DGKI: variants seen among roughly 807,000 people sequenced by gnomAD.
DGKI encodes diacylglycerol kinase iota.
A neutral mutation model predicts 147.5 loss-of-function variants in DGKI; 55 were observed. The ratio of observed to expected loss-of-function variants is 0.37; its 90% CI spans 0.30 to 0.47. DGKI has a LOEUF of 0.47. Among genes scored for constraint, DGKI ranks in the 20% least tolerant of loss-of-function variants. The pLI is 1.00. For synonymous variants in DGKI, 469 were observed against 477.1 expected (o/e 0.98, Z 0.22); for missense variants, 1,007 against 1,323.8 (o/e 0.76, Z 3.71).
At chr7:137,639,401 C>T (rs1353387844) in intron 6 of DGKI, among the ~76,000 whole-genome samples, 1 of 152,170 alleles carries the variant, frequency 6.6e-6, no homozygotes, top group Non-Finnish European at 1.5e-5. Context: ...AACAAAGAGG[C>T]CATTTGCTTG....
intron 21 of DGKI, among the ~76,000 whole-genome samples, chr7:137,501,189 C>T (rs949688872): frequency 1.1e-4 from 16 of 152,036 alleles, no homozygotes; most frequent in African/African-American, 3.4e-4. Context: ...TTGCTGCAAA[C>T]GACAGAATTT....
chr7:137,645,675 A>C, intron 5 of DGKI, 138 bp from the exon 6 acceptor site: 1 of 678,048 alleles, frequency 1.5e-6, no homozygotes. Context: ...CAAGCAATTC[A>C]CCCATCTCAG....
intron 1 of DGKI, among the ~76,000 whole-genome samples, chr7:137,767,313 G>T (rs1796041179): frequency 6.6e-6 from 1 of 151,090 alleles, no homozygotes; most frequent in African/African-American, 2.4e-5. Context: ...AAGTGTCACA[G>T]GGGAAAAAAA....
intron 8 of DGKI, 133 bp downstream of exon 8, chr7:137,619,691 G>C: frequency 1.5e-6 from 1 of 685,404 alleles, no homozygotes; most frequent in South Asian, 1.8e-5. Context: ...AACTGAGGAA[G>C]CTAAGCACAG....
chr7:137,734,967 A>G (rs557556970), intron 1 of DGKI, among the ~76,000 whole-genome samples: 21 of 152,188 alleles, frequency 1.4e-4, no homozygotes, highest in African/African-American at 4.6e-4. Context: ...GCCCTTCTAT[A>G]TAATTGAAAA....
rs1359148503 is a variant in DGKI at position 137,521,957 on chromosome 7, A to G, written c.2157T>C (p.Ser719=). The change falls in exon 21 of 33, where the codon TCT becomes TCC. Residue 719 remains serine, a synonymous_variant. Transcript: ENST00000614521. ...CCCGGATCCTCAGACGATCTGGGACAGACTGGGGACTGCAAAACAAGAACC... is the reference window on the plus strand; with the variant it reads ...CCCGGATCCTCAGACGATCTGGGACGGACTGGGGACTGCAAAACAAGAACC... ...TSMPLLNDPQ[S]VPDRLRIRVN... 3 of 1,610,666 alleles carry G rather than the reference A, an allele frequency of 1.9e-6. No homozygotes were observed. The highest frequency in any genetic ancestry group is 1.1e-5 in the South Asian group (1 of 90,684).
chr7:137,846,551 G>C lies in DGKI; in HGVS notation c.312C>G (p.Asp104Glu), dbSNP rs1385154556. The C allele has an allele frequency of 9.3e-6, 14 of 1,505,862 alleles. No individual in the cohort carries two copies. The Admixed American group carries it at 9.6e-5, about 10-fold the overall frequency. 93.3% of individuals were successfully genotyped at this position (1,505,862 alleles called of 1,614,324 possible). Residue 104 changes from aspartate to glutamate, a missense_variant, in exon 1 of 33, where the codon GAC becomes GAG. This residue lies in a region of DGKI where 259 missense variants were observed against 362.5 expected (regional missense o/e 0.71). Transcript: ENST00000614521. This position sits in a 1 kb window ranked among gnomAD's most constrained non-coding sequence, Gnocchi z 4.0. The stretch of plus-strand genomic sequence containing the variant: ...CCTTCTGGCCGGCGGCCGCGGGCTC[G>C]TCCAGGGCAGCGGCCCCCGCCGCCG... ...SAAAAGAAAL[D>E]EPAAAGQKEK... is the part of the protein sequence containing the mutation.
At chr7:137,578,996 A>G (rs186239977) in intron 15 of DGKI, among the ~76,000 whole-genome samples, 2 of 152,340 alleles carry the variant, frequency 1.3e-5, no homozygotes, top group East Asian at 3.9e-4. Flanking sequence ...CATCTGTGCT[A>G]AAAATTCTTT....
chr7:137,509,730 G>A (rs568702966), intron 21 of DGKI, among the ~76,000 whole-genome samples: 1 of 152,300 alleles, frequency 6.6e-6, no homozygotes, highest in South Asian at 2.1e-4. Context: ...GTTAGAATGT[G>A]TTATAGACAG....
intron 5 of DGKI, among the ~76,000 whole-genome samples, chr7:137,649,633 T>A (rs896131962): frequency 6.6e-6 from 1 of 151,992 alleles, no homozygotes; most frequent in Non-Finnish European, 1.5e-5. Flanking sequence ...GATAAAAGAC[T>A]ACAAATTGGG....
At chr7:137,618,370 G>C (rs1820624093) in intron 8 of DGKI, among the ~76,000 whole-genome samples, 1 of 150,690 alleles carries the variant, frequency 6.6e-6, no homozygotes, top group Non-Finnish European at 1.5e-5. Context: ...ACTCATGCCT[G>C]TGTGCCATTC....
At position 137,587,074 on chromosome 7, in the gene DGKI, C is replaced by T. The variant is rs1388092239; in HGVS notation, c.1425+23G>A. On this transcript the variant is annotated intron_variant, in intron 13 of 32. Coordinates refer to ENST00000614521, the MANE Select transcript of DGKI (RefSeq NM_001321708.2). Reference sequence around the variant, plus strand: ...CCGGTTTGTTGTTTGATGATATGGGCAGTCCCCGAGAGCAGTTCTTACCCC... The same window carrying T: ...CCGGTTTGTTGTTTGATGATATGGGTAGTCCCCGAGAGCAGTTCTTACCCC... 15 of 1,523,060 alleles carry T rather than the reference C, an allele frequency of 9.8e-6. No individual in the cohort carries two copies. The Admixed American group carries it at 2.7e-4, about 28-fold the overall frequency. 94.3% of individuals were successfully genotyped at this position (1,523,060 alleles called of 1,614,324 possible).
At chr7:137,731,514 C>T (rs748339384) in intron 1 of DGKI, among the ~76,000 whole-genome samples, 3 of 152,204 alleles carry the variant, frequency 2.0e-5, no homozygotes, top group Admixed American at 6.5e-5. Flanking sequence ...TCTTCTTCAT[C>T]ATCATTATGT....
chr7:137,760,934 A>G (rs377545792), intron 1 of DGKI, among the ~76,000 whole-genome samples: 47 of 152,194 alleles, frequency 3.1e-4, no homozygotes, highest in African/African-American at 1.0e-3. Flanking sequence ...CTGTTCTCCC[A>G]TGCCTCCTTA....
chr7:137,846,453 C>T lies in DGKI; in HGVS notation c.401+9G>A, dbSNP rs757885587. Reference sequence around the variant, plus strand: ...GCACCTGTCTCGGCTGCCGGCTCCCCGCACCTACCTGTACGAGACCTGCTT... The same window carrying T: ...GCACCTGTCTCGGCTGCCGGCTCCCTGCACCTACCTGTACGAGACCTGCTT... On this transcript the variant is annotated intron_variant, in intron 1 of 32. Transcript: ENST00000614521. This position sits in a 1 kb window ranked among gnomAD's most constrained non-coding sequence, Gnocchi z 4.0. 1.3e-6 allele frequency: 2 copies of T among 1,580,922 alleles called. No homozygotes were observed. The highest frequency in any genetic ancestry group is 1.7e-5 in the Admixed American group (1 of 58,906).
At chr7:137,602,534 A>G (rs1483394647) in intron 10 of DGKI, among the ~76,000 whole-genome samples, 1 of 152,216 alleles carries the variant, frequency 6.6e-6, no homozygotes, top group African/African-American at 2.4e-5. Flanking sequence ...TATGGTATTT[A>G]TTACCAAAAA....
At chr7:137,805,102 G>A (rs1177900087) in intron 1 of DGKI, among the ~76,000 whole-genome samples, 2 of 152,202 alleles carry the variant, frequency 1.3e-5, no homozygotes, top group African/African-American at 2.4e-5. Flanking sequence ...TGTGTATTGA[G>A]TGCTATTTTG....
intron 4 of DGKI, 65 bp from the exon 5 acceptor site, chr7:137,654,853 A>AT: frequency 5.1e-6 from 2 of 393,390 alleles, no homozygotes; most frequent in Non-Finnish European, 7.6e-6. Flanking sequence ...GAATTACCTG[A>AT]AAAAAAAAAA....
At chr7:137,571,118 G>A (rs1432585458) in intron 19 of DGKI, 57 bp downstream of exon 19, 1 of 1,307,936 alleles carries the variant, frequency 7.6e-7, no homozygotes, top group African/African-American at 1.5e-5. Context: ...CCTGTGAATT[G>A]AATAAACTCT....
Sources: gnomAD v4.1 joint callset for allele counts (sites outside exome capture counted in the v4.1 genomes callset) on GRCh38, gnomAD v4.1.1 for gene constraint, gnomAD v4.1.1 regional missense constraint, Gnocchi (gnomAD v3.1) non-coding constraint, MANE v1.5 for transcripts, NCBI Gene and HGNC (gene_info 2026-07-23, HGNC 2026-07-21) for gene names.